FYB2: variants seen among roughly 807,000 people sequenced by gnomAD.
FYB2 encodes FYN binding protein 2, also known as FYN-binding protein 2.
FYB2 carries 103 observed loss-of-function variants against 94.1 expected under a neutral mutation model. The ratio of observed to expected loss-of-function variants is 1.09; its 90% CI spans 0.93 to 1.29. FYB2 has a LOEUF of 1.29. Ranked by LOEUF, FYB2 falls within the 50% of genes most tolerant of loss-of-function variation. The probability of loss-of-function intolerance (pLI) is 0.00; values close to 1 mark genes in which losing one functional copy is unlikely to be tolerated. For missense variants in FYB2, 896 were observed against 841.5 expected, an observed-to-expected ratio of 1.06 and a Z score of -0.80; for synonymous variants, 293 against 287.9, an observed-to-expected ratio of 1.02 and a Z score of -0.18.
intron 4 of FYB2, among the ~76,000 whole-genome samples, chr1:56,778,801 T>A (rs1240512844): frequency 6.6e-6 from 1 of 152,184 alleles, no homozygotes; most frequent in Non-Finnish European, 1.5e-5. Context: ...ATACCATATT[T>A]GTTATTTATT....
chr1:56,797,664 G>A (rs1646430901), intron 1 of FYB2, among the ~76,000 whole-genome samples: 7 of 152,170 alleles, frequency 4.6e-5, no homozygotes, highest in Admixed American at 4.6e-4. Flanking sequence ...TAGCAGCATC[G>A]ATGGATTCAC....
chr1:56,788,846 T>G, intron 3 of FYB2, 127 bp downstream of exon 3: 123 of 1,321,386 alleles, frequency 9.3e-5, no homozygotes, highest in Non-Finnish European at 9.9e-5. Flanking sequence ...AGCCTCTAGA[T>G]GAGAATAAGC....
At chr1:56,819,491 A>G, upstream of FYB2, 1 of 687,974 alleles carries the variant, frequency 1.5e-6, no homozygotes, top group Non-Finnish European at 2.4e-6. Context: ...GCCGGCCGCC[A>G]TCCTCCCAGC....
At chr1:56,773,197 A>C (rs1054433651) in intron 4 of FYB2, among the ~76,000 whole-genome samples, 1 of 152,174 alleles carries the variant, frequency 6.6e-6, no homozygotes, top group Non-Finnish European at 1.5e-5. Context: ...AGCATGGACA[A>C]GTGACCTCTC....
At chr1:56,801,337 G>C (rs1295665417) in intron 1 of FYB2, among the ~76,000 whole-genome samples, 1 of 152,058 alleles carries the variant, frequency 6.6e-6, no homozygotes, top group Non-Finnish European at 1.5e-5. Context: ...ACCAACTCCT[G>C]CAAAGGGCAT....
intron 4 of FYB2, among the ~76,000 whole-genome samples, chr1:56,771,376 T>G (rs1645750675): frequency 6.6e-6 from 1 of 152,080 alleles, no homozygotes; most frequent in African/African-American, 2.4e-5. Context: ...TAACATAAGG[T>G]GTCATTTATA....
intron 8 of FYB2, among the ~76,000 whole-genome samples, chr1:56,753,563 A>C (rs905078317): frequency 2.0e-5 from 3 of 152,088 alleles, no homozygotes; most frequent in African/African-American, 7.2e-5. Flanking sequence ...ATGGCACCTG[A>C]GAGTGGGTAC....
intron 5 of FYB2, among the ~76,000 whole-genome samples, chr1:56,763,953 A>ATT (rs753365184): frequency 1.5e-5 from 2 of 133,872 alleles, no homozygotes; most frequent in Non-Finnish European, 3.3e-5. Flanking sequence ...TATTATGTCT[A>ATT]TTTTTTTTTT....
chr1:56,741,571 A>C (rs1358760136), intron 12 of FYB2, among the ~76,000 whole-genome samples: 1 of 152,014 alleles, frequency 6.6e-6, no homozygotes, highest in Admixed American at 6.6e-5. Flanking sequence ...TGCCCAGTTC[A>C]GGGTCTTTTT....
chr1:56,823,854 T>TA (rs762403648), upstream of FYB2: 12 of 152,248 alleles, frequency 7.9e-5, no homozygotes, highest in East Asian at 1.2e-3. Context: ...TGTTTTCTGA[T>TA]ATGCTTGTCT....
chr1:56,748,459 G>T (rs1048117883), intron 9 of FYB2, among the ~76,000 whole-genome samples: 1 of 151,838 alleles, frequency 6.6e-6, no homozygotes, highest in Non-Finnish European at 1.5e-5. Flanking sequence ...TCTGTTTTCC[G>T]CATGTGGCTA....
intron 6 of FYB2, among the ~76,000 whole-genome samples, chr1:56,757,687 C>CTTCT (rs1191302491): frequency 0.059 from 4,213 of 71,742 alleles, 165 homozygotes; most frequent in East Asian, 0.078. Flanking sequence ...TCCTTCCTTC[C>CTTCT]TTCTTTCTTT....
intron 1 of FYB2, among the ~76,000 whole-genome samples, chr1:56,817,793 TAACA>T (rs1172534400): frequency 1.3e-5 from 2 of 152,234 alleles, no homozygotes; most frequent in African/African-American, 4.8e-5. Flanking sequence ...TGTGATTAGC[TAACA>T]AACATGCTCT....
intron 5 of FYB2, among the ~76,000 whole-genome samples, chr1:56,767,445 G>C (rs566130549): frequency 6.6e-6 from 1 of 152,210 alleles, no homozygotes; most frequent in South Asian, 2.1e-4. Flanking sequence ...CACACACCAA[G>C]TAACCAGGGA....
At chr1:56,761,257 C>T (rs1415666362) in intron 5 of FYB2, among the ~76,000 whole-genome samples, 1 of 152,102 alleles carries the variant, frequency 6.6e-6, no homozygotes, top group Non-Finnish European at 1.5e-5. Flanking sequence ...ATTTTTTATA[C>T]TTATAGATAG....
intron 1 of FYB2, among the ~76,000 whole-genome samples, chr1:56,806,142 C>G (rs6687762): frequency 0.36 from 54,940 of 152,014 alleles, 10,774 homozygotes; most frequent in Middle Eastern, 0.45. Flanking sequence ...CTGGGGTTCA[C>G]AGTCTCATGG....
chr1:56,779,610 T>A (rs952144916), intron 4 of FYB2, among the ~76,000 whole-genome samples: 5 of 152,226 alleles, frequency 3.3e-5, no homozygotes, highest in Middle Eastern at 3.2e-3. Context: ...TTTATTTACA[T>A]AAAAGCTAGT....
At chr1:56,774,706 A>G (rs1645835603) in intron 4 of FYB2, among the ~76,000 whole-genome samples, 1 of 152,110 alleles carries the variant, frequency 6.6e-6, no homozygotes. Context: ...GATGCAAAGT[A>G]TTGTGCCAGG....
intron 5 of FYB2, among the ~76,000 whole-genome samples, chr1:56,764,390 A>G (rs1645572811): frequency 6.6e-6 from 1 of 150,536 alleles, no homozygotes; most frequent in South Asian, 2.1e-4. Context: ...TAGTCTCACA[A>G]TTTTTTGAAG....
Sources: gnomAD v4.1 joint callset for allele counts (sites outside exome capture counted in the v4.1 genomes callset) on GRCh38, gnomAD v4.1.1 for gene constraint, MANE v1.5 for transcripts, NCBI Gene and HGNC (gene_info 2026-07-23, HGNC 2026-07-21) for gene names.